SLIT1: variants seen among roughly 807,000 people sequenced by gnomAD.
SLIT1 encodes the protein slit homolog 1 protein.
Under a neutral mutation model 186.1 loss-of-function variants are expected in SLIT1, and 66 were observed. The ratio of observed to expected loss-of-function variants is 0.35; its 90% CI spans 0.29 to 0.44. SLIT1 has a LOEUF of 0.44. SLIT1 is among the 20% of genes least tolerant of loss of function. The pLI, the probability that SLIT1 is intolerant of heterozygous loss-of-function variation, is 1.00. For synonymous variants in SLIT1, 761 were observed against 833.8 expected, an observed-to-expected ratio of 0.91 and a Z score of 1.50; for missense variants, 1,638 against 2,037.4, an observed-to-expected ratio of 0.80 and a Z score of 3.77.
intron 4 of SLIT1, among the ~76,000 whole-genome samples, chr10:97,150,250 G>T (rs1266196965): frequency 6.6e-6 from 1 of 152,188 alleles, no homozygotes; most frequent in Admixed American, 6.5e-5. Context: ...CGTCACAATA[G>T]CGAGGTCACC....
rs140758802 is a variant in SLIT1, at chr10:97,021,121, G to GACTTGTTC, written c.2746+128_2746+129insGAACAAGT. ...GGAAGGCAGCCATCAAGCCGCAGGTGCCTTGTTCCTGTCCCCTGACCCCCC... is the reference window on the plus strand; with the variant it reads ...GGAAGGCAGCCATCAAGCCGCAGGTGACTTGTTCCCTTGTTCCTGTCCCCTGACCCCCC... On this transcript the variant is annotated intron_variant, in intron 26 of 36. Transcript: ENST00000266058. The surrounding 1 kb of genome is among the most constrained non-coding windows in gnomAD (Gnocchi z 4.5). 2 of 784,604 alleles carry GACTTGTTC rather than the reference G, an allele frequency of 2.5e-6. No homozygotes were observed. The highest frequency in any genetic ancestry group is 1.8e-5 in the African/African-American group (1 of 55,922). The allele number at this position is 784,604 out of a possible 1,614,324, so 48.6% of individuals were successfully genotyped here.
At chr10:97,049,179 AC>A in intron 13 of SLIT1, 61 bp from the exon 14 acceptor site, 1 of 1,561,080 alleles carries the variant, frequency 6.4e-7, no homozygotes. Flanking sequence ...GCTGACCTCC[AC>A]CGGGACAGGG....
At position 97,072,900 on chromosome 10, in the gene SLIT1, T is replaced by C. The variant is rs74152131; in HGVS notation, c.414-6814A>G. On this transcript the variant is annotated intron_variant, in intron 4 of 36. Coordinates refer to ENST00000266058, the MANE Select transcript of SLIT1 (RefSeq NM_003061.3). The stretch of plus-strand genomic sequence containing the variant: ...CTACCACGTGGGACTTTGGAGAAGA[T>C]TGTGAATTGATGTACTTAAGCTTCT... 2.9e-3 allele frequency among the ~76,000 whole-genome samples: 449 copies of C among 152,236 alleles called. 5 individuals carry two copies. The highest frequency in any genetic ancestry group is 1.0e-2 in the African/African-American group (414 of 41,542).
In SLIT1 at chr10:97,043,582, G is replaced by T; in HGVS notation, c.1854-69C>A. On this transcript the variant is annotated intron_variant, in intron 18 of 36. Coordinates refer to ENST00000266058, the MANE Select transcript of SLIT1 (RefSeq NM_003061.3). The surrounding 1 kb of genome is among the most constrained non-coding windows in gnomAD (Gnocchi z 7.0). ...GCCAGCCATCCACCTGGGCCACGCA[G>T]CTTCCGCCATCGTGGCTCGTTCACA... The T allele has an allele frequency of 6.9e-7, 1 of 1,447,810 alleles. No individual in the cohort carries two copies. Among genetic ancestry groups the T allele is most frequent in the Non-Finnish European group, 9.6e-7 (1 of 1,044,266 alleles). The allele number at this position is 1,447,810 out of a possible 1,614,324, so 89.7% of individuals were successfully genotyped here.
intron 24 of SLIT1, 76 bp from the exon 25 acceptor site, chr10:97,030,904 C>T: frequency 7.7e-7 from 1 of 1,294,948 alleles, no homozygotes; most frequent in Non-Finnish European, 1.1e-6. Flanking sequence ...AGGCCCAGCC[C>T]TCTGCAGAGA....
intron 4 of SLIT1, among the ~76,000 whole-genome samples, chr10:97,094,683 T>C (rs535647833): frequency 6.6e-6 from 1 of 152,206 alleles, no homozygotes; most frequent in Non-Finnish European, 1.5e-5. Context: ...CCTGGTGTGA[T>C]AAGCATCGAG....
chr10:97,029,317 C>T lies in SLIT1; in HGVS notation c.2582+1440G>A, dbSNP rs552193671. On this transcript the variant is annotated intron_variant, in intron 25 of 36. Transcript: ENST00000266058. ...AAGGTGAGTCTTAGAGAAAATCTAG[C>T]GAGACTGATGAGTGAATGAACTTCA... Among the ~76,000 whole-genome samples the T allele has an allele frequency of 1.2e-3, 182 of 152,170 alleles. 1 individual carries two copies. The highest frequency in any genetic ancestry group is 2.2e-3 in the Non-Finnish European group (147 of 68,036).
intron 13 of SLIT1, among the ~76,000 whole-genome samples, chr10:97,050,870 A>G (rs1348037184): frequency 6.6e-6 from 1 of 152,236 alleles, no homozygotes; most frequent in African/African-American, 2.4e-5. Context: ...ATAAAACTTG[A>G]ACCACCCACA....
intron 1 of SLIT1, among the ~76,000 whole-genome samples, chr10:97,166,654 A>AGAAAG (rs1850124480): frequency 9.6e-6 from 1 of 104,264 alleles, no homozygotes; most frequent in Admixed American, 1.1e-4. Flanking sequence ...GGAAAGGAAA[A>AGAAAG]GAAAAGAAAA....
At chr10:97,073,817 A>T (rs772954526) in intron 4 of SLIT1, among the ~76,000 whole-genome samples, 24 of 152,100 alleles carry the variant, frequency 1.6e-4, no homozygotes, top group Non-Finnish European at 3.4e-4. Context: ...CAACATGGGG[A>T]TGGAAAGCGG....
chr10:97,162,151 C>T (rs938207012), intron 3 of SLIT1, among the ~76,000 whole-genome samples: 31 of 152,228 alleles, frequency 2.0e-4, no homozygotes, highest in African/African-American at 7.2e-4. Flanking sequence ...CTCCTGTATT[C>T]TATCCACATG....
At chr10:97,141,799 A>G (rs1050722927) in intron 4 of SLIT1, among the ~76,000 whole-genome samples, 1 of 151,492 alleles carries the variant, frequency 6.6e-6, no homozygotes, top group Non-Finnish European at 1.5e-5. Context: ...ACTGTATTGT[A>G]TTGTATTGTA....
chr10:97,000,990 C>G lies in SLIT1; in HGVS notation c.*122G>C. 1 of 745,520 alleles carries G rather than the reference C, an allele frequency of 1.3e-6. No individual in the cohort carries two copies. Among genetic ancestry groups the G allele is most frequent in the Non-Finnish European group, 2.2e-6 (1 of 458,130 alleles). The allele number at this position is 745,520 out of a possible 1,614,324, so 46.2% of individuals were successfully genotyped here. ...TCTGGCACCACCCCACCCAGGAGGG[C>G]CCAGCTGCCCAGGAGCCGTCCTGTG... On this transcript the variant is annotated 3_prime_UTR_variant, in exon 37 of 37. Coordinates refer to ENST00000266058, the MANE Select transcript of SLIT1 (RefSeq NM_003061.3).
At chr10:97,028,257 G>T (rs1269474595) in intron 25 of SLIT1, among the ~76,000 whole-genome samples, 2 of 152,172 alleles carry the variant, frequency 1.3e-5, no homozygotes, top group Non-Finnish European at 2.9e-5. Flanking sequence ...ACCACCTCCA[G>T]CAGGGCTCAC....
Position 97,004,858 on chromosome 10 carries a change from C to T in SLIT1, c.3580-35G>A. 4 of 1,613,610 alleles carry T rather than the reference C, an allele frequency of 2.5e-6. No individual in the cohort carries two copies. Among genetic ancestry groups the T allele is most frequent in the Non-Finnish European group, 2.5e-6 (3 of 1,179,646 alleles). On this transcript the variant is annotated intron_variant, in intron 32 of 36. Coordinates refer to ENST00000266058, the MANE Select transcript of SLIT1 (RefSeq NM_003061.3). This position sits in a 1 kb window ranked among gnomAD's most constrained non-coding sequence, Gnocchi z 5.1. ...AGTGGCACTTTCTCTCCCACCCCAC[C>T]CCATGCAGCAGCGGCACAGGCTAGC... is the stretch of plus-strand genomic sequence containing the variant.
At position 97,014,172 on chromosome 10, in the gene SLIT1, G is replaced by T; in HGVS notation, c.2970-14C>A. Reference sequence around the variant, plus strand: ...GGACAGGAGCACCTGTGCGGGGAAGGGGAGGATGGAGAGACAGCCCTCTTG... The same window carrying T: ...GGACAGGAGCACCTGTGCGGGGAAGTGGAGGATGGAGAGACAGCCCTCTTG... On this transcript the variant is annotated splice_polypyrimidine_tract_variant and intron_variant, in intron 28 of 36. Coordinates refer to ENST00000266058, the MANE Select transcript of SLIT1 (RefSeq NM_003061.3). 6.2e-7 allele frequency: 1 copy of T among 1,612,684 alleles called. No individual in the cohort carries two copies.
Position 97,043,759 on chromosome 10 carries a change from GCCC to G in SLIT1, c.1854-249_1854-247del, listed in dbSNP as rs1848712229. Among the ~76,000 whole-genome samples, 1 of 152,092 alleles carries G rather than the reference GCCC, an allele frequency of 6.6e-6. No homozygotes were observed. Among genetic ancestry groups the G allele is most frequent in the African/African-American group, 2.4e-5 (1 of 41,410 alleles). ...GCTCTGTCTCTCTCTCCCTGCCACT[GCCC>G]TGTCCCCCATGCTGGCCTTGCCTCC... On this transcript the variant is annotated intron_variant, in intron 18 of 36. Transcript: ENST00000266058. The surrounding 1 kb of genome is among the most constrained non-coding windows in gnomAD (Gnocchi z 7.0).
At chr10:97,064,340 T>C (rs1038784476) in intron 6 of SLIT1, 101 bp from the exon 7 acceptor site, 3 of 930,328 alleles carry the variant, frequency 3.2e-6, no homozygotes, top group African/African-American at 3.2e-5. Context: ...GACCTTAAAG[T>C]GACCAGCACG....
At chr10:97,064,927 G>C in intron 5 of SLIT1, 51 bp from the exon 6 acceptor site, 1 of 1,467,372 alleles carries the variant, frequency 6.8e-7, no homozygotes, top group Non-Finnish European at 9.4e-7. Flanking sequence ...CCTAGAGTAA[G>C]GGTGTCCAAA....
Sources: allele counts gnomAD v4.1 joint callset (sites outside exome capture counted in the v4.1 genomes callset), GRCh38; gene constraint gnomAD v4.1.1; non-coding constraint Gnocchi (gnomAD v3.1); transcripts MANE v1.5; gene names NCBI Gene and HGNC (gene_info 2026-07-23, HGNC 2026-07-21).